The following UBAC2 variants were observed in gnomAD, a reference collection of about 807,000 sequenced individuals.
UBAC2 encodes ubiquitin-associated domain-containing protein 2.
A neutral mutation model predicts 44.0 loss-of-function variants in UBAC2; 26 were observed. The ratio of observed to expected loss-of-function variants is 0.59; its 90% CI spans 0.43 to 0.82. UBAC2 has a LOEUF of 0.82. UBAC2 is among the 40% of genes least tolerant of loss of function. The pLI, the probability that UBAC2 is intolerant of heterozygous loss-of-function variation, is 0.00. For synonymous variants in UBAC2, 155 were observed against 154.3 expected (o/e 1.00, Z -0.04); for missense variants, 329 against 419.4 (o/e 0.78, Z 1.88).
chr13:99,383,743 A>ACC (rs5806112), intron 8 of UBAC2, among the ~76,000 whole-genome samples: 22 of 151,942 alleles, frequency 1.4e-4, no homozygotes, highest in Non-Finnish European at 3.2e-4. Flanking sequence ...CATGGGCGGC[A>ACC]CCCCCCGTTT....
At chr13:99,299,246 A>T (rs2044221186) in intron 4 of UBAC2, among the ~76,000 whole-genome samples, 1 of 152,248 alleles carries the variant, frequency 6.6e-6, no homozygotes, top group South Asian at 2.1e-4. Flanking sequence ...ATAGTTTATA[A>T]ACAGTTCAAA....
chr13:99,343,672 C>T (rs1015670517), intron 7 of UBAC2, among the ~76,000 whole-genome samples: 1 of 152,216 alleles, frequency 6.6e-6, no homozygotes. Context: ...TCCTAAGCTT[C>T]CTAAGTTCTC....
chr13:99,385,649 A>G lies in UBAC2; in HGVS notation c.*314A>G. 3.2e-6 allele frequency: 1 copy of G among 311,882 alleles called. No homozygotes were observed. Among genetic ancestry groups the G allele is most frequent in the Non-Finnish European group, 6.1e-6 (1 of 163,702 alleles). 19.3% of individuals were successfully genotyped at this position (311,882 alleles called of 1,614,324 possible). A position where few individuals can be genotyped will look rare whatever the true frequency, so the allele number is the denominator to read the frequency against. On this transcript the variant is annotated 3_prime_UTR_variant, in exon 9 of 9. Transcript: ENST00000403766. ...AGATTTCTGCAGGCAGTTGAATGGC[A>G]CTCCAGATGGGGAATTGCTGTAACC...
chr13:99,320,792 G>A (rs1478852719), intron 6 of UBAC2, among the ~76,000 whole-genome samples: 3 of 152,174 alleles, frequency 2.0e-5, no homozygotes. Context: ...TTATTTGTGA[G>A]TGTTTGATTT....
intron 4 of UBAC2, chr13:99,294,861 GCAT>G: frequency 2.2e-6 from 1 of 453,224 alleles, no homozygotes; most frequent in Non-Finnish European, 3.8e-6. Context: ...ATATTTATTT[GCAT>G]TTTTATTGTG....
intron 6 of UBAC2, among the ~76,000 whole-genome samples, chr13:99,337,227 A>G (rs1238027954): frequency 6.6e-6 from 1 of 152,164 alleles, no homozygotes; most frequent in Non-Finnish European, 1.5e-5. Context: ...ATGATATTTA[A>G]TTTATGTATT....
intron 7 of UBAC2, among the ~76,000 whole-genome samples, chr13:99,355,759 G>C (rs956178587): frequency 1.3e-5 from 2 of 152,212 alleles, no homozygotes; most frequent in Non-Finnish European, 2.9e-5. Context: ...CAGCGTGCTT[G>C]GTGCCACAAG....
At chr13:99,245,759 C>G (rs913717244) in intron 4 of UBAC2, among the ~76,000 whole-genome samples, 7 of 152,164 alleles carry the variant, frequency 4.6e-5, no homozygotes, top group Admixed American at 3.3e-4. Flanking sequence ...CACTTGAACC[C>G]GGGAGGCAGA....
chr13:99,356,708 C>G (rs1051834528), intron 7 of UBAC2, among the ~76,000 whole-genome samples: 1 of 152,196 alleles, frequency 6.6e-6, no homozygotes, highest in African/African-American at 2.4e-5. Context: ...TAGCACGACA[C>G]AAAGATCATG....
At chr13:99,354,269 C>G (rs1417891509) in intron 7 of UBAC2, among the ~76,000 whole-genome samples, 1 of 152,216 alleles carries the variant, frequency 6.6e-6, no homozygotes. Flanking sequence ...GGGTGTCAAC[C>G]CAGCATCTGT....
At chr13:99,319,484 C>G (rs1041186360) in intron 6 of UBAC2, among the ~76,000 whole-genome samples, 2 of 152,166 alleles carry the variant, frequency 1.3e-5, no homozygotes, top group Non-Finnish European at 2.9e-5. Context: ...CTGCTTACCC[C>G]TCTTCTTCCT....
At position 99,296,185 on chromosome 13, in the gene UBAC2, T is replaced by C. The variant is rs377494891; in HGVS notation, c.390-17912T>C. ...GTGTCTAGAAAAAAACCAAGAAGGA[T>C]CATATAAGTAAAAGCATATGTATTC... On this transcript the variant is annotated intron_variant, in intron 4 of 8. Transcript: ENST00000403766. The C allele has an allele frequency of 1.4e-5, 21 of 1,524,186 alleles. No individual in the cohort carries two copies. The African/African-American group carries it at 2.8e-4, about 20-fold the overall frequency. 94.4% of individuals were successfully genotyped at this position (1,524,186 alleles called of 1,614,324 possible).
At chr13:99,262,262 G>GGAAAAAAACTT (rs1335450670) in intron 4 of UBAC2, among the ~76,000 whole-genome samples, 111 of 152,332 alleles carry the variant, frequency 7.3e-4, no homozygotes, top group African/African-American at 2.5e-3. Context: ...TCATAGGTAT[G>GGAAAAAAACTT]TATGTACAGG....
Position 99,291,489 on chromosome 13 carries a change from A to C in UBAC2, c.390-22608A>C, listed in dbSNP as rs539693052. 1.8e-4 allele frequency among the ~76,000 whole-genome samples: 27 copies of C among 152,366 alleles called. No homozygotes were observed. The South Asian group carries it at 5.4e-3, about 30-fold the overall frequency. Reference sequence around the variant, plus strand: ...AGAGAATAAGAAATTACAATGGTCCAAAAAGTAACCAAAATAGACCATTTT... The same window carrying C: ...AGAGAATAAGAAATTACAATGGTCCCAAAAGTAACCAAAATAGACCATTTT... On this transcript the variant is annotated intron_variant, in intron 4 of 8. Transcript: ENST00000403766.
intron 6 of UBAC2, among the ~76,000 whole-genome samples, chr13:99,331,064 C>T (rs2044709920): frequency 1.3e-5 from 2 of 152,146 alleles, no homozygotes; most frequent in African/African-American, 4.8e-5. Context: ...AGGGAAGGTT[C>T]GTTTTATTTG....
chr13:99,301,585 C>T (rs2044257551), intron 4 of UBAC2, among the ~76,000 whole-genome samples: 1 of 152,086 alleles, frequency 6.6e-6, no homozygotes, highest in African/African-American at 2.4e-5. Context: ...ATTATCATCT[C>T]ATTTTTGCAT....
At chr13:99,378,538 A>G (rs2045511012) in intron 8 of UBAC2, among the ~76,000 whole-genome samples, 1 of 152,208 alleles carries the variant, frequency 6.6e-6, no homozygotes, top group African/African-American at 2.4e-5. Flanking sequence ...AAAATAAAAT[A>G]AAAAATAAAA....
chr13:99,384,365 A>G lies in UBAC2; in HGVS notation c.928-863A>G, dbSNP rs533532137. ...TGTATTCCTGTGGCAATCTGGGGCC[A>G]TGAATATTTTTGTAATATATTCTTA... On this transcript the variant is annotated intron_variant, in intron 8 of 8. Transcript: ENST00000403766. Among the ~76,000 whole-genome samples the G allele has an allele frequency of 2.0e-5, 3 of 152,370 alleles. No individual in the cohort carries two copies. In the South Asian group the frequency reaches 6.2e-4, roughly 32 times the overall value.
intron 6 of UBAC2, 124 bp downstream of exon 6, chr13:99,318,193 A>T: frequency 1.0e-6 from 1 of 958,866 alleles, no homozygotes; most frequent in Non-Finnish European, 1.6e-6. Flanking sequence ...TTGAGACAGA[A>T]TTTCACTCTT....
Sources: gnomAD v4.1 joint callset for allele counts (sites outside exome capture counted in the v4.1 genomes callset) on GRCh38, gnomAD v4.1.1 for gene constraint, MANE v1.5 for transcripts, NCBI Gene and HGNC (gene_info 2026-07-23, HGNC 2026-07-21) for gene names.